The following SYNE2 variants were observed in gnomAD, a reference collection of about 807,000 sequenced individuals.
The protein encoded by SYNE2 is spectrin repeat containing nuclear envelope protein 2.
In SYNE2, 431 loss-of-function variants were observed where a neutral mutation model predicts 856.3. The observed-to-expected ratio is 0.50, with a 90% CI of 0.47 to 0.55. The LOEUF (loss-of-function observed/expected upper bound fraction) is 0.55, where lower values mean the gene tolerates loss of function less well. Ranked by LOEUF, SYNE2 falls within the 20% of genes least tolerant of loss-of-function variation. The pLI, the probability that SYNE2 is intolerant of heterozygous loss-of-function variation, is 0.00. For synonymous variants in SYNE2, 2,923 were observed against 2,872.3 expected, an observed-to-expected ratio of 1.02 and a Z score of -0.56; for missense variants, 8,129 against 8,023.2, an observed-to-expected ratio of 1.01 and a Z score of -0.50.
Position 64,170,260 on chromosome 14 carries a change from C to A in SYNE2, c.17033C>A (p.Thr5678Lys), listed in dbSNP as rs147365925. Reference protein sequence around the residue: ...PEFITEFSKLTDRWQNAVQGV... With the variant: ...PEFITEFSKLKDRWQNAVQGV... ...TTTATTACAGAATTCTCAAAGCTGACGGATCGGTGGCAGAATGCTGTCCAG... is the reference window on the plus strand; with the variant it reads ...TTTATTACAGAATTCTCAAAGCTGAAGGATCGGTGGCAGAATGCTGTCCAG... Residue 5678 changes from threonine to lysine, a missense_variant, in exon 94 of 116, where the codon ACG becomes AAG. Around this residue, in one of 3 missense-constraint regions of SYNE2, gnomAD observed 5,410 missense variants for 5,284.8 expected, o/e 1.02. Transcript: ENST00000555002. 6.2e-7 allele frequency: 1 copy of A among 1,613,940 alleles called. No homozygotes were observed. Among genetic ancestry groups the A allele is most frequent in the Admixed American group, 1.7e-5 (1 of 60,008 alleles).
intron 1 of SYNE2, among the ~76,000 whole-genome samples, chr14:63,856,235 C>T (rs564655904): frequency 2.6e-5 from 4 of 152,300 alleles, no homozygotes; most frequent in African/African-American, 9.6e-5. Flanking sequence ...AACATGGAAT[C>T]CTCATATGTA....
chr14:63,831,088 G>A (rs1011627073), intron 1 of SYNE2, among the ~76,000 whole-genome samples: 9 of 151,926 alleles, frequency 5.9e-5, no homozygotes, highest in Admixed American at 6.6e-5. Context: ...TGATCCACCC[G>A]CTTCGGCCTC....
intron 70 of SYNE2, 99 bp from the exon 71 acceptor site, chr14:64,124,980 G>A: frequency 6.7e-7 from 1 of 1,489,028 alleles, no homozygotes; most frequent in Non-Finnish European, 9.1e-7. Context: ...TCCAGCCTGG[G>A]CGACAGAGCA....
At chr14:63,899,632 G>T (rs1209077356) in intron 1 of SYNE2, among the ~76,000 whole-genome samples, 1 of 152,210 alleles carries the variant, frequency 6.6e-6, no homozygotes, top group Non-Finnish European at 1.5e-5. Flanking sequence ...CTCCCAAGTA[G>T]CTGGGACTAC....
At chr14:63,895,066 A>G (rs915663625) in intron 1 of SYNE2, among the ~76,000 whole-genome samples, 1 of 151,554 alleles carries the variant, frequency 6.6e-6, no homozygotes, top group African/African-American at 2.4e-5. Context: ...AAATATTAAG[A>G]TAATCTCATT....
chr14:64,049,412 C>T (rs1380077441), intron 46 of SYNE2, 199 bp from the exon 47 acceptor site: 1 of 190,506 alleles, frequency 5.2e-6, no homozygotes, highest in Non-Finnish European at 9.4e-6. Context: ...GCACCCTGCA[C>T]TCCAGCCTGG....
chr14:63,775,843 T>C (rs1378519684), intron 1 of SYNE2, among the ~76,000 whole-genome samples: 2 of 152,150 alleles, frequency 1.3e-5, no homozygotes, highest in Non-Finnish European at 2.9e-5. Context: ...GATATAGTAA[T>C]AGCTTTTGTT....
chr14:63,809,795 C>T (rs1888544873), intron 1 of SYNE2, among the ~76,000 whole-genome samples: 1 of 152,170 alleles, frequency 6.6e-6, no homozygotes, highest in Admixed American at 6.5e-5. Flanking sequence ...GCCACCGCGC[C>T]TGGCTAATTA....
At chr14:63,813,638 A>G (rs1888704085) in intron 1 of SYNE2, among the ~76,000 whole-genome samples, 1 of 151,260 alleles carries the variant, frequency 6.6e-6, no homozygotes, top group Non-Finnish European at 1.5e-5. Flanking sequence ...ACTAAAAAAA[A>G]TTAGACTGGG....
At chr14:64,042,509 A>G (rs923855879) in intron 45 of SYNE2, among the ~76,000 whole-genome samples, 6 of 152,212 alleles carry the variant, frequency 3.9e-5, no homozygotes, top group African/African-American at 1.4e-4. Context: ...AACTCCCACA[A>G]TTCCGACATG....
At chr14:63,798,513 C>T (rs1030654603) in intron 1 of SYNE2, among the ~76,000 whole-genome samples, 4 of 151,854 alleles carry the variant, frequency 2.6e-5, no homozygotes, top group African/African-American at 9.7e-5. Flanking sequence ...CCTGCCTCAG[C>T]CTCTCGAGTA....
chr14:64,076,121 A>G (rs2097456640), intron 54 of SYNE2, 21 bp downstream of exon 54: 1 of 1,610,262 alleles, frequency 6.2e-7, no homozygotes, highest in Non-Finnish European at 8.5e-7. Flanking sequence ...TGTCTGTACT[A>G]CTGTTATTAT....
At chr14:64,178,700 T>A (rs1284427572) in intron 96 of SYNE2, among the ~76,000 whole-genome samples, 1 of 152,122 alleles carries the variant, frequency 6.6e-6, no homozygotes, top group East Asian at 1.9e-4. Flanking sequence ...CTCAAGCAAT[T>A]CTCCTGCCTT....
intron 10 of SYNE2, among the ~76,000 whole-genome samples, chr14:63,966,488 A>G (rs2153452740): frequency 6.6e-6 from 1 of 151,982 alleles, no homozygotes; most frequent in South Asian, 2.1e-4. Flanking sequence ...ATGCCACTGA[A>G]CTTCAGCCTG....
intron 1 of SYNE2, among the ~76,000 whole-genome samples, chr14:63,767,871 A>T (rs1055506430): frequency 1.2e-4 from 18 of 152,068 alleles, no homozygotes; most frequent in African/African-American, 3.9e-4. Context: ...ATCATTTCAC[A>T]TTTTTTTGTG....
intron 1 of SYNE2, among the ~76,000 whole-genome samples, chr14:63,806,327 A>G (rs1231831382): frequency 6.6e-6 from 1 of 152,194 alleles, no homozygotes; most frequent in Non-Finnish European, 1.5e-5. Context: ...CCAGGAATAA[A>G]GGCTACTTGA....
At position 64,210,015 on chromosome 14, in the gene SYNE2, G is replaced by A. The variant is rs1431570657; in HGVS notation, c.18614G>A (p.Arg6205Gln). The A allele has an allele frequency of 1.1e-5, 18 of 1,614,074 alleles. No individual in the cohort carries two copies. The highest frequency in any genetic ancestry group is 2.2e-5 in the East Asian group (1 of 44,878). The change falls in exon 103 of 116, where the codon CGG (arginine) becomes CAG (glutamine). Residue 6205 changes from arginine to glutamine, a missense_variant. Coordinates refer to ENST00000555002, the MANE Select transcript of SYNE2 (RefSeq NM_182914.3). ...AACAAGCAGTACCGGCGGCTGGCCC[G>A]GGAGAACCGCACAGACACGGCCAGC... ...LINKQYRRLA[R>Q]ENRTDTASRL...
chr14:64,114,735 A>G (rs1435389501), intron 66 of SYNE2, among the ~76,000 whole-genome samples: 2 of 151,080 alleles, frequency 1.3e-5, no homozygotes, highest in African/African-American at 2.4e-5. Context: ...CTCCCACCTC[A>G]GCTTCCTGGG....
At position 64,162,283 on chromosome 14, in the gene SYNE2, A is replaced by G; in HGVS notation, c.16299+7A>G. On this transcript the variant is annotated splice_region_variant and intron_variant, in intron 88 of 115. Coordinates refer to ENST00000555002, the MANE Select transcript of SYNE2 (RefSeq NM_182914.3). ...AGCCCTGCAGGACATAAAGGTGGGT[A>G]CAAAGCCCATTTGGAAAACCAAGGC... The G allele has an allele frequency of 6.2e-7, 1 of 1,614,056 alleles. No homozygotes were observed. Among genetic ancestry groups the G allele is most frequent in the Non-Finnish European group, 8.5e-7 (1 of 1,179,968 alleles).
Sources: allele counts gnomAD v4.1 joint callset (sites outside exome capture counted in the v4.1 genomes callset), GRCh38; gene constraint gnomAD v4.1.1; regional missense constraint gnomAD v4.1.1; transcripts MANE v1.5; gene names NCBI Gene and HGNC (gene_info 2026-07-23, HGNC 2026-07-21).